The following OTOG variants were observed in gnomAD, a reference collection of about 807,000 sequenced individuals.
OTOG encodes otogelin.
A neutral mutation model predicts 313.8 loss-of-function variants in OTOG; 296 were observed. That is an observed-to-expected ratio of 0.94 (90% confidence interval 0.86 to 1.04). The LOEUF (loss-of-function observed/expected upper bound fraction) is 1.04, where lower values mean the gene tolerates loss of function less well. Among genes scored for constraint, OTOG ranks in the 50% least tolerant of loss-of-function variants. The pLI is 0.00. For missense variants in OTOG, 3,948 were observed against 3,840.1 expected (o/e 1.03, Z -0.74); for synonymous variants, 1,533 against 1,554.9 (o/e 0.99, Z 0.33).
chr11:17,608,480 A>G (rs1227858823), intron 34 of OTOG, 67 bp downstream of exon 34: 4 of 1,093,382 alleles, frequency 3.7e-6, no homozygotes, highest in Non-Finnish European at 5.1e-6. Flanking sequence ...GCACTCACAT[A>G]CACTTGTGTA....
chr11:17,559,222 C>A, intron 11 of OTOG, 61 bp downstream of exon 11: 1 of 1,250,898 alleles, frequency 8.0e-7, no homozygotes, highest in Non-Finnish European at 1.1e-6. Context: ...ATTCTCAGGC[C>A]TCAGCTCAAT....
In OTOG at chr11:17,547,441, CGAGTCCCT is replaced by C; in HGVS notation, c.71_78del (p.Glu24AlafsTer49). On this transcript the variant is annotated frameshift_variant, in exon 1 of 56. Transcript: ENST00000399397. LOFTEE classifies it high-confidence loss of function. The stretch of plus-strand genomic sequence containing the variant: ...GGCTGCCCTGGGGTGAGCAGGCAGC[CGAGTCCCT>C]GCGGGTGCAGCGCCTCGGTGAGAGG... 1 of 1,386,832 alleles carries C rather than the reference CGAGTCCCT, an allele frequency of 7.2e-7. No homozygotes were observed. The highest frequency in any genetic ancestry group is 1.9e-4 in the Middle Eastern group (1 of 5,264). 85.9% of individuals were successfully genotyped at this position (1,386,832 alleles called of 1,614,324 possible).
intron 26 of OTOG, 58 bp downstream of exon 26, chr11:17,593,385 G>A (rs1852998888): frequency 2.0e-6 from 3 of 1,533,278 alleles, no homozygotes; most frequent in Non-Finnish European, 2.6e-6. Flanking sequence ...CAGGGTTGGG[G>A]CAGAAGAGGG....
Position 17,578,413 on chromosome 11 carries a change from C to T in OTOG, c.2646C>T (p.Ser882=), listed in dbSNP as rs1466673679. The change falls in exon 23 of 56, where the codon AGC becomes AGT. Residue 882 remains serine (S), a synonymous_variant. Coordinates refer to ENST00000399397, the MANE Select transcript of OTOG (RefSeq NM_001292063.2). ...CPAGQVFVNC[S]DLHTDLELSR... ...CAGGCCAGGTCTTCGTGAACTGCAGCGACCTGCACACGGACCTGGAGCTGA... is the reference window on the plus strand; with the variant it reads ...CAGGCCAGGTCTTCGTGAACTGCAGTGACCTGCACACGGACCTGGAGCTGA... 1.8e-5 allele frequency: 27 copies of T among 1,539,008 alleles called. No individual in the cohort carries two copies. The highest frequency in any genetic ancestry group is 2.2e-5 in the Non-Finnish European group (25 of 1,145,858).
chr11:17,572,352 G>C (rs938496687), intron 18 of OTOG, 148 bp downstream of exon 18: 2 of 1,151,222 alleles, frequency 1.7e-6, no homozygotes, highest in Admixed American at 2.6e-5. Flanking sequence ...GAGGGGAAAG[G>C]AGAGACAGTG....
At chr11:17,556,406 T>A (rs113505029) in intron 7 of OTOG, among the ~76,000 whole-genome samples, 4,363 of 152,254 alleles carry the variant, frequency 0.029, 201 homozygotes, top group South Asian at 0.094. Context: ...GTGAAATCTT[T>A]CCTGCATCTC....
rs1224165066 is a variant in OTOG, at chr11:17,596,997, C to T, written c.3672C>T (p.Pro1224=). 1.3e-6 allele frequency: 2 copies of T among 1,549,400 alleles called. No homozygotes were observed. The highest frequency in any genetic ancestry group is 1.4e-5 in the African/African-American group (1 of 73,042). Residue 1224 remains proline, a synonymous_variant, in exon 30 of 56, where the codon CCC becomes CCT. Coordinates refer to ENST00000399397, the MANE Select transcript of OTOG (RefSeq NM_001292063.2). The stretch of plus-strand genomic sequence containing the variant: ...GGGTGGCTGTTGACTGGCGAACCCC[C>T]CGCCTCTGCCGTGAGTGTCCCAGAC... ...QHGVAVDWRT[P]RLCPYDCDFF...
rs142588675 is a variant in OTOG, at chr11:17,557,655, A to G, written c.865+332A>G. On this transcript the variant is annotated intron_variant, in intron 8 of 55. Coordinates refer to ENST00000399397, the MANE Select transcript of OTOG (RefSeq NM_001292063.2). The stretch of plus-strand genomic sequence containing the variant: ...AGGGAGCAGAGGGCTAGAGACAGCC[A>G]GGAAGAGAAATGGCCCAGCTAAAGA... Among the ~76,000 whole-genome samples the G allele has an allele frequency of 1.6e-3, 244 of 152,280 alleles. 1 individual carries two copies. Among genetic ancestry groups the G allele is most frequent in the Middle Eastern group, 3.4e-3 (1 of 292 alleles).
At chr11:17,567,205 A>G (rs1005192981) in intron 15 of OTOG, among the ~76,000 whole-genome samples, 2 of 152,252 alleles carry the variant, frequency 1.3e-5, no homozygotes, top group Non-Finnish European at 2.9e-5. Context: ...CACAGGTGAC[A>G]TGTCCAGAGG....
chr11:17,553,964 T>G (rs1465624107), intron 6 of OTOG, among the ~76,000 whole-genome samples: 1 of 152,196 alleles, frequency 6.6e-6, no homozygotes, highest in East Asian at 1.9e-4. Context: ...TCCTGTTTAT[T>G]CGGAAGGATG....
At chr11:17,612,364 C>T in intron 37 of OTOG, 34 bp downstream of exon 37, 1 of 1,498,164 alleles carries the variant, frequency 6.7e-7, no homozygotes. Context: ...CTCCTGCATC[C>T]TCCCTGTATC....
intron 3 of OTOG, among the ~76,000 whole-genome samples, chr11:17,548,477 C>G (rs1851861094): frequency 1.6e-5 from 2 of 121,768 alleles, no homozygotes; most frequent in South Asian, 5.5e-4. Context: ...GGCACCAGGG[C>G]TCTTTCAGGA....
chr11:17,561,886 C>T, intron 15 of OTOG, 79 bp downstream of exon 15: 7 of 1,507,428 alleles, frequency 4.6e-6, no homozygotes, highest in African/African-American at 1.4e-5. Flanking sequence ...GGACTTAGGA[C>T]AGGGCTCAGG....
intron 28 of OTOG, among the ~76,000 whole-genome samples, 186 bp from the exon 29 acceptor site, chr11:17,595,852 C>G (rs936029978): frequency 2.6e-5 from 4 of 152,194 alleles, no homozygotes; most frequent in Non-Finnish European, 5.9e-5. Flanking sequence ...ATCCCATCAC[C>G]TGGGCCATAT....
intron 15 of OTOG, among the ~76,000 whole-genome samples, chr11:17,562,114 C>T (rs529165974): frequency 6.9e-6 from 1 of 145,580 alleles, no homozygotes; most frequent in East Asian, 2.0e-4. Context: ...ACTTTTAAAT[C>T]CATTAATTTA....
chr11:17,628,799 T>G (rs1854045298), intron 39 of OTOG, among the ~76,000 whole-genome samples: 1 of 152,176 alleles, frequency 6.6e-6, no homozygotes, highest in South Asian at 2.1e-4. Context: ...GAAGAAGTGA[T>G]CTGAACAGAA....
chr11:17,575,256 T>C (rs373966791), intron 20 of OTOG, among the ~76,000 whole-genome samples: 3 of 152,244 alleles, frequency 2.0e-5, no homozygotes, highest in Non-Finnish European at 4.4e-5. Flanking sequence ...AATTCAGCAA[T>C]GAACAAAGCA....
At chr11:17,621,857 T>A (rs1318375935) in intron 39 of OTOG, among the ~76,000 whole-genome samples, 2 of 152,204 alleles carry the variant, frequency 1.3e-5, no homozygotes, top group Non-Finnish European at 2.9e-5. Flanking sequence ...TTTTATATAT[T>A]TTGTCAGTTT....
At chr11:17,588,201 T>C (rs986579349) in intron 24 of OTOG, among the ~76,000 whole-genome samples, 4 of 152,200 alleles carry the variant, frequency 2.6e-5, no homozygotes, top group African/African-American at 9.7e-5. Context: ...TTTTTACTTT[T>C]TAACTCAGTT....
Sources: gnomAD v4.1 joint callset for allele counts (sites outside exome capture counted in the v4.1 genomes callset) on GRCh38, gnomAD v4.1.1 for gene constraint, MANE v1.5 for transcripts, NCBI Gene and HGNC (gene_info 2026-07-23, HGNC 2026-07-21) for gene names.